GFRA1: variants seen among roughly 807,000 people sequenced by gnomAD.
The protein encoded by GFRA1 is GDNF family receptor alpha-1.
GFRA1 carries 16 observed loss-of-function variants against 51.6 expected under a neutral mutation model. The ratio of observed to expected loss-of-function variants is 0.31; its 90% confidence interval spans 0.21 to 0.47. The LOEUF (loss-of-function observed/expected upper bound fraction) is 0.47. Ranked by LOEUF, GFRA1 falls within the 20% of genes least tolerant of loss-of-function variation. The probability of loss-of-function intolerance (pLI) is 1.00; values close to 1 mark genes in which losing one functional copy is unlikely to be tolerated. For missense variants in GFRA1, 530 were observed against 594.3 expected (o/e 0.89, Z 1.13); for synonymous variants, 270 against 241.3 (o/e 1.12, Z -1.10).
chr10:116,125,298 A>G lies in GFRA1; in HGVS notation c.693T>C (p.Pro231=), dbSNP rs1304881339. The G allele has an allele frequency of 6.2e-7, 1 of 1,614,130 alleles. No homozygotes were observed. Among genetic ancestry groups the G allele is most frequent in the Admixed American group, 1.7e-5 (1 of 60,010 alleles). ...CTERRRQTIV[P]VCSYEEREKP... ...TCTCCCTCTCTTCATAGGAGCACAC[A>G]GGCACGATGGTCTGTCGCCTCCGCT... Residue 231 remains proline, a synonymous_variant, in exon 6 of 11, where the codon CCT becomes CCC. Transcript: ENST00000355422.
chr10:116,182,269 CAAT>C (rs1171152035), intron 5 of GFRA1, among the ~76,000 whole-genome samples: 2 of 152,212 alleles, frequency 1.3e-5, no homozygotes, highest in African/African-American at 4.8e-5. Context: ...CTAATGATAA[CAAT>C]AATAGTAATT....
rs557344563 is a variant in GFRA1, at chr10:116,261,257, C to T, written c.418+8246G>A. On this transcript the variant is annotated intron_variant, in intron 4 of 10. Coordinates refer to ENST00000355422, the MANE Select transcript of GFRA1 (RefSeq NM_005264.8). ...GCAAACACCTAATTTTACTTGTCAT[C>T]ACTGTCCTAGACAATTTATGTTGCA... Among the ~76,000 whole-genome samples the T allele has an allele frequency of 1.1e-4, 16 of 152,314 alleles. No individual in the cohort carries two copies. The South Asian group carries it at 3.3e-3, about 32-fold the overall frequency.
At chr10:116,148,064 A>ATG (rs201277825) in intron 5 of GFRA1, among the ~76,000 whole-genome samples, 136 of 73,564 alleles carry the variant, frequency 1.8e-3, no homozygotes, top group East Asian at 6.1e-3. Flanking sequence ...GCATGTGTGC[A>ATG]TGCGTGTGTG....
intron 4 of GFRA1, among the ~76,000 whole-genome samples, chr10:116,232,548 G>C (rs1433431874): frequency 6.6e-6 from 1 of 151,772 alleles, no homozygotes; most frequent in South Asian, 2.1e-4. Flanking sequence ...ATGATAAAGG[G>C]CTTGTCTAAT....
chr10:116,267,947 A>T (rs1589926505), intron 4 of GFRA1, among the ~76,000 whole-genome samples: 1 of 88,792 alleles, frequency 1.1e-5, no homozygotes, highest in Non-Finnish European at 2.8e-5. Flanking sequence ...ACTAACACAC[A>T]CACACACACA....
chr10:116,177,628 A>G (rs1033901178), intron 5 of GFRA1, among the ~76,000 whole-genome samples: 1 of 152,224 alleles, frequency 6.6e-6, no homozygotes, highest in Non-Finnish European at 1.5e-5. Context: ...CTCCACTCCC[A>G]TTCTCCAAAG....
intron 5 of GFRA1, among the ~76,000 whole-genome samples, chr10:116,165,742 GA>G (rs1960330476): frequency 6.6e-6 from 1 of 152,226 alleles, no homozygotes; most frequent in South Asian, 2.1e-4. Flanking sequence ...GAGACAGAGA[GA>G]GGGGCTTGAA....
chr10:116,117,396 T>C (rs1452114470), intron 6 of GFRA1, among the ~76,000 whole-genome samples: 1 of 152,082 alleles, frequency 6.6e-6, no homozygotes, highest in Non-Finnish European at 1.5e-5. Context: ...TCACCTCCCA[T>C]AGCACTTTGT....
chr10:116,159,868 C>CAG (rs1349231083), intron 5 of GFRA1, among the ~76,000 whole-genome samples: 19 of 152,318 alleles, frequency 1.2e-4, no homozygotes, highest in African/African-American at 4.3e-4. Flanking sequence ...GTGAAGACCA[C>CAG]CTATCACTCC....
At position 116,228,201 on chromosome 10, in the gene GFRA1, T is replaced by C. The variant is rs564212366; in HGVS notation, c.419-16556A>G. 4.4e-4 allele frequency among the ~76,000 whole-genome samples: 67 copies of C among 152,322 alleles called. No homozygotes were observed. The South Asian group carries it at 5.2e-3, about 12-fold the overall frequency. ...CCCGGGCCTGGTAGTCAGTAAGCAA[T>C]TGGCTGGCTTTGCATGCCAGCATGG... On this transcript the variant is annotated intron_variant, in intron 4 of 10. Coordinates refer to ENST00000355422, the MANE Select transcript of GFRA1 (RefSeq NM_005264.8).
At chr10:116,115,005 A>C (rs1957355946) in intron 6 of GFRA1, among the ~76,000 whole-genome samples, 1 of 152,180 alleles carries the variant, frequency 6.6e-6, no homozygotes, top group Non-Finnish European at 1.5e-5. Context: ...GGTCTGCCTA[A>C]CTCGCAAACG....
rs934619333 is a variant in GFRA1, at chr10:116,089,841, G to A, written c.1097C>T (p.Thr366Ile). 2 of 1,614,034 alleles carry A rather than the reference G, an allele frequency of 1.2e-6. No individual in the cohort carries two copies. Among genetic ancestry groups the A allele is most frequent in the Non-Finnish European group, 1.7e-6 (2 of 1,179,918 alleles). Residue 366 changes from threonine to isoleucine, a missense_variant, in exon 9 of 11, where the codon ACT becomes ATT. Transcript: ENST00000355422. Reference protein sequence around the residue: ...PAFPVQTTTATTTTALRVKNK... With the variant: ...PAFPVQTTTAITTTALRVKNK... ...CTTAACCCGGAGGGCAGTGGTGGTAGTGGCAGTGGTGGTCTGTACTGGGAA... is the reference window on the plus strand; with the variant it reads ...CTTAACCCGGAGGGCAGTGGTGGTAATGGCAGTGGTGGTCTGTACTGGGAA...
intron 7 of GFRA1, among the ~76,000 whole-genome samples, chr10:116,094,338 T>A (rs1194156916): frequency 6.6e-6 from 1 of 152,140 alleles, no homozygotes; most frequent in Non-Finnish European, 1.5e-5. Context: ...TATACATATA[T>A]ATGGGGTCTT....
At chr10:116,253,482 C>T (rs1968559074) in intron 4 of GFRA1, among the ~76,000 whole-genome samples, 1 of 152,146 alleles carries the variant, frequency 6.6e-6, no homozygotes, top group African/African-American at 2.4e-5. Context: ...GGGGTGCATG[C>T]CTGTAGTCCC....
Position 116,096,781 on chromosome 10 carries a change from GGGGT to G in GFRA1, c.771-21_771-18del. Reference sequence around the variant, plus strand: ...AGGCGAGATCTACAATAGGAAAAAAGGGGTGGGGGGTGGAAATGTGCTTTAAAAC... The same window carrying G: ...AGGCGAGATCTACAATAGGAAAAAAGGGGGGGTGGAAATGTGCTTTAAAAC... On this transcript the variant is annotated intron_variant, in intron 6 of 10. Coordinates refer to ENST00000355422, the MANE Select transcript of GFRA1 (RefSeq NM_005264.8). The G allele has an allele frequency of 7.4e-7, 1 of 1,344,110 alleles. No homozygotes were observed. Among genetic ancestry groups the G allele is most frequent in the Non-Finnish European group, 1.1e-6 (1 of 938,228 alleles). The allele number at this position is 1,344,110 out of a possible 1,614,324, so 83.3% of individuals were successfully genotyped here.
At chr10:116,117,088 C>G (rs1298059119) in intron 6 of GFRA1, among the ~76,000 whole-genome samples, 15 of 152,208 alleles carry the variant, frequency 9.9e-5, no homozygotes, top group Admixed American at 7.9e-4. Context: ...CCTACGTCCT[C>G]TGTGTGGAAG....
At chr10:116,134,082 G>C (rs118123801) in intron 5 of GFRA1, among the ~76,000 whole-genome samples, 1 of 152,174 alleles carries the variant, frequency 6.6e-6, no homozygotes, top group Non-Finnish European at 1.5e-5. Flanking sequence ...TATTTCTATG[G>C]ATTATGAGGT....
chr10:116,244,283 TATCTC>T (rs1468587722), intron 4 of GFRA1, among the ~76,000 whole-genome samples: 8 of 148,660 alleles, frequency 5.4e-5, no homozygotes, highest in African/African-American at 9.9e-5. Context: ...TATAGAAACT[TATCTC>T]ATCAAAAAGA....
chr10:116,148,074 GCA>G (rs1958899751), intron 5 of GFRA1, among the ~76,000 whole-genome samples: 10 of 148,658 alleles, frequency 6.7e-5, no homozygotes, highest in Non-Finnish European at 1.3e-4. Flanking sequence ...ATGCGTGTGT[GCA>G]TGTGTGTGTG....
Sources: allele counts gnomAD v4.1 joint callset (sites outside exome capture counted in the v4.1 genomes callset), GRCh38; gene constraint gnomAD v4.1.1; transcripts MANE v1.5; gene names NCBI Gene and HGNC (gene_info 2026-07-23, HGNC 2026-07-21).